Variants in PLEKHS1 observed in about 807,000 individuals in gnomAD.
PLEKHS1 encodes the protein pleckstrin homology domain-containing family S member 1.
Under a neutral mutation model 51.0 loss-of-function variants are expected in PLEKHS1, and 55 were observed. The observed-to-expected ratio is 1.08, with a 90% CI of 0.87 to 1.35. The LOEUF is 1.35. Among genes scored for constraint, PLEKHS1 ranks in the 40% most tolerant of loss-of-function variants. PLEKHS1 has a pLI of 0.00. For missense variants in PLEKHS1, 398 were observed against 423.0 expected (o/e 0.94, Z 0.52); for synonymous variants, 153 against 144.8 (o/e 1.06, Z -0.41).
At position 113,769,719 on chromosome 10, in the gene PLEKHS1, A is replaced by C; in HGVS notation, c.436-65A>C. 3.1e-6 allele frequency: 3 copies of C among 977,102 alleles called. No homozygotes were observed. The East Asian group carries it at 7.2e-5, about 23-fold the overall frequency. 60.5% of individuals were successfully genotyped at this position (977,102 alleles called of 1,614,324 possible). On this transcript the variant is annotated intron_variant, in intron 6 of 11. Transcript: ENST00000361048. ...ACAGGAGGCAAGGAGCCCGGTAGAG[A>C]GGCTGCCGTTTCATTCCAGACAGAG...
chr10:113,759,202 A>G (rs7081917), intron 2 of PLEKHS1, among the ~76,000 whole-genome samples: 27,968 of 151,968 alleles, frequency 0.18, 2,703 homozygotes, highest in East Asian at 0.29. Flanking sequence ...TCAGGAGTTC[A>G]AGACCAGCCT....
chr10:113,767,249 A>T (rs754808731), intron 4 of PLEKHS1, 96 bp from the exon 5 acceptor site: 9 of 929,086 alleles, frequency 9.7e-6, no homozygotes, highest in Non-Finnish European at 1.3e-5. Flanking sequence ...GATCCAGCAC[A>T]TCTAAAGTTT....
chr10:113,767,474 C>A (rs779301027), exon 5 of PLEKHS1: 3 of 1,606,618 alleles, frequency 1.9e-6, no homozygotes, highest in Non-Finnish European at 2.5e-6. Context: ...TCATTGGCCA[C>A]GACAGGTGAG....
At chr10:113,769,679 T>C (rs1593030379) in intron 6 of PLEKHS1, 105 bp from the exon 7 acceptor site, 1 of 740,792 alleles carries the variant, frequency 1.3e-6, no homozygotes, top group East Asian at 2.5e-5. Context: ...GAATGTTAGA[T>C]TGCTATGGGA....
At chr10:113,752,194 T>C (rs1414316023) in intron 1 of PLEKHS1, among the ~76,000 whole-genome samples, 1 of 152,198 alleles carries the variant, frequency 6.6e-6, no homozygotes, top group Non-Finnish European at 1.5e-5. Context: ...TGCTTCTTTT[T>C]AATTACATGA....
chr10:113,780,834 T>TC, exon 12 of PLEKHS1: 1 of 1,477,256 alleles, frequency 6.8e-7, no homozygotes, highest in Non-Finnish European at 9.0e-7. Context: ...ACTGTCCAGC[T>TC]CTGCCCCCTG....
exon 10 of PLEKHS1, chr10:113,774,833 A>G (rs1564826542): frequency 6.2e-7 from 1 of 1,613,474 alleles, no homozygotes; most frequent in Non-Finnish European, 8.5e-7. Flanking sequence ...TAGTTTTTTC[A>G]AAGAGACATC....
chr10:113,765,168 T>C, intron 2 of PLEKHS1: 1 of 454,384 alleles, frequency 2.2e-6, no homozygotes. Context: ...CTGAATATCT[T>C]TGTATTCCTA....
chr10:113,757,195 G>A (rs1349883358), intron 2 of PLEKHS1, among the ~76,000 whole-genome samples: 2 of 152,174 alleles, frequency 1.3e-5, no homozygotes, highest in South Asian at 2.1e-4. Context: ...TTACAGGCAT[G>A]AGCACCGCAC....
chr10:113,775,521 G>A (rs1049548377), intron 10 of PLEKHS1, among the ~76,000 whole-genome samples: 26 of 152,284 alleles, frequency 1.7e-4, no homozygotes, highest in African/African-American at 6.3e-4. Context: ...AGACTGGCCT[G>A]ATGTGGACAG....
chr10:113,768,918 A>C, intron 6 of PLEKHS1, 28 bp downstream of exon 6: 2 of 1,555,026 alleles, frequency 1.3e-6, no homozygotes, highest in Non-Finnish European at 1.8e-6. Flanking sequence ...ATAAAATAAC[A>C]GGGCACCTGA....
chr10:113,756,913 C>CTTTTTTT (rs397845343), intron 2 of PLEKHS1, among the ~76,000 whole-genome samples: 3 of 109,894 alleles, frequency 2.7e-5, no homozygotes, highest in Admixed American at 1.1e-4. Context: ...TTAGATTGGT[C>CTTTTTTT]TTTTTTTTTT....
chr10:113,765,779 G>C (rs909094588), intron 2 of PLEKHS1, among the ~76,000 whole-genome samples: 1 of 152,076 alleles, frequency 6.6e-6, no homozygotes, highest in Admixed American at 6.6e-5. Flanking sequence ...TTTTAGCTTG[G>C]ATTTGCTTTC....
intron 2 of PLEKHS1, among the ~76,000 whole-genome samples, chr10:113,762,578 T>C (rs990705411): frequency 1.3e-5 from 2 of 151,916 alleles, no homozygotes; most frequent in African/African-American, 4.8e-5. Context: ...TCTAATTTAT[T>C]TTTGGGATTT....
chr10:113,771,924 A>T (rs1844428666), intron 7 of PLEKHS1, 46 bp from the exon 8 acceptor site: 1 of 1,579,202 alleles, frequency 6.3e-7, no homozygotes, highest in Non-Finnish European at 8.6e-7. Flanking sequence ...ATTTAATTCT[A>T]TCTCTTGCAA....
chr10:113,757,683 C>T (rs1420526011), intron 2 of PLEKHS1, among the ~76,000 whole-genome samples: 1 of 152,122 alleles, frequency 6.6e-6, no homozygotes, highest in Admixed American at 6.6e-5. Flanking sequence ...TTGACCACAT[C>T]GATTGATTGT....
Position 113,774,224 on chromosome 10 carries a change from C to G in PLEKHS1, c.673-3C>G, listed in dbSNP as rs770342221. The stretch of plus-strand genomic sequence containing the variant: ...TTCTTACATCTATTCCTTTTATCTG[C>G]AGTTGGATAATATCATTGCTTCCAG... On this transcript the variant is annotated splice_polypyrimidine_tract_variant and splice_region_variant and intron_variant, in intron 8 of 11. Coordinates refer to ENST00000361048, the Ensembl canonical transcript of PLEKHS1. 1.8e-5 allele frequency: 28 copies of G among 1,560,724 alleles called. No individual in the cohort carries two copies. The highest frequency in any genetic ancestry group is 3.6e-5 in the Admixed American group (2 of 55,644).
At chr10:113,755,460 G>A in intron 2 of PLEKHS1, 155 bp downstream of exon 2, 2 of 1,334,266 alleles carry the variant, frequency 1.5e-6, no homozygotes, top group Non-Finnish European at 9.7e-7. Flanking sequence ...TGCGTAGGCT[G>A]GAGTACAGTG....
rs1467043700 is a variant in PLEKHS1, at chr10:113,775,762, T to C, written c.990-3T>C. 4 of 1,608,292 alleles carry C rather than the reference T, an allele frequency of 2.5e-6. No homozygotes were observed. Among genetic ancestry groups the C allele is most frequent in the East Asian group, 2.2e-5 (1 of 44,804 alleles). ...GTGACTTTTACAAATGTCTTGTTCA[T>C]AGTAATATCCCCGATGAAAGCCAAG... On this transcript the variant is annotated splice_polypyrimidine_tract_variant and splice_region_variant and intron_variant, in intron 10 of 11. Transcript: ENST00000361048.
Sources: gnomAD v4.1 joint callset for allele counts (sites outside exome capture counted in the v4.1 genomes callset) on GRCh38, gnomAD v4.1.1 for gene constraint, MANE v1.5 for transcripts, NCBI Gene and HGNC (gene_info 2026-07-23, HGNC 2026-07-21) for gene names.